DCC: variants seen among roughly 807,000 people sequenced by gnomAD.
The protein encoded by DCC is DCC netrin 1 receptor.
DCC carries 58 observed loss-of-function variants against 172.5 expected under a neutral mutation model. The observed-to-expected ratio is 0.34, with a 90% CI of 0.27 to 0.42. The LOEUF (loss-of-function observed/expected upper bound fraction) is 0.42. Among genes scored for constraint, DCC ranks in the 10% least tolerant of loss-of-function variants. The pLI, the probability that DCC is intolerant of heterozygous loss-of-function variation, is 1.00. For missense variants in DCC, 1,740 were observed against 1,791.0 expected, an observed-to-expected ratio of 0.97 and a Z score of 0.51; for synonymous variants, 709 against 644.5, an observed-to-expected ratio of 1.10 and a Z score of -1.52.
intron 12 of DCC, among the ~76,000 whole-genome samples, chr18:53,292,325 G>A (rs1428808698): frequency 6.6e-6 from 1 of 152,140 alleles, no homozygotes; most frequent in Admixed American, 6.6e-5. Context: ...TAGAGCTGTG[G>A]TAATCAGTGG....
At chr18:52,854,191 A>G (rs1432117945) in intron 2 of DCC, among the ~76,000 whole-genome samples, 1 of 152,214 alleles carries the variant, frequency 6.6e-6, no homozygotes, top group African/African-American at 2.4e-5. Context: ...CAAATATACA[A>G]GCAGTTTTGA....
chr18:52,760,518 G>T (rs1206675748), intron 2 of DCC, among the ~76,000 whole-genome samples: 2 of 152,162 alleles, frequency 1.3e-5, no homozygotes, highest in Non-Finnish European at 2.9e-5. Flanking sequence ...GATAGTCAGA[G>T]CGTGACCTCC....
At chr18:53,498,436 T>C (rs7232617) in intron 26 of DCC, among the ~76,000 whole-genome samples, 130,893 of 152,132 alleles carry the variant, frequency 0.86, 56,509 homozygotes, top group Non-Finnish European at 0.88. Context: ...CAGCTCGTTT[T>C]GCTTGCAGTT....
rs368785953 is a variant in DCC, at chr18:53,322,200, G to C, written c.2164+43G>C. The C allele has an allele frequency of 1.1e-5, 11 of 1,039,096 alleles. No individual in the cohort carries two copies. The African/African-American group carries it at 1.7e-4, about 16-fold the overall frequency. 64.4% of individuals were successfully genotyped at this position (1,039,096 alleles called of 1,614,324 possible). ...TTACTATCACTCTGATTATCTTCTT[G>C]TTATCTCAGCTTCAAAAGGTCTCTT... On this transcript the variant is annotated intron_variant, in intron 14 of 28. Coordinates refer to ENST00000442544, the MANE Select transcript of DCC (RefSeq NM_005215.4).
chr18:52,765,732 C>T (rs1281363883), intron 2 of DCC, among the ~76,000 whole-genome samples: 2 of 152,178 alleles, frequency 1.3e-5, no homozygotes, highest in Middle Eastern at 3.2e-3. Flanking sequence ...TGAGACTCCA[C>T]AGAACCTTGC....
At chr18:52,898,188 A>G (rs1024992748) in intron 2 of DCC, among the ~76,000 whole-genome samples, 1 of 152,104 alleles carries the variant, frequency 6.6e-6, no homozygotes, top group Non-Finnish European at 1.5e-5. Context: ...CGTGTTTCCA[A>G]CCCCAAGGTC....
At chr18:52,530,229 T>C (rs2032107786) in intron 1 of DCC, among the ~76,000 whole-genome samples, 1 of 152,166 alleles carries the variant, frequency 6.6e-6, no homozygotes, top group African/African-American at 2.4e-5. Context: ...GAATGGTACA[T>C]GTTTTACACA....
chr18:53,022,404 T>G (rs944969399), intron 5 of DCC, among the ~76,000 whole-genome samples: 1 of 152,082 alleles, frequency 6.6e-6, no homozygotes, highest in Non-Finnish European at 1.5e-5. Flanking sequence ...TCTTATGAGA[T>G]AGTTGGAAGC....
intron 1 of DCC, among the ~76,000 whole-genome samples, chr18:52,665,392 G>A (rs754938678): frequency 2.0e-5 from 3 of 152,068 alleles, no homozygotes; most frequent in Non-Finnish European, 4.4e-5. Flanking sequence ...TAGTTACCTC[G>A]GAGAACTCAA....
chr18:52,870,928 G>A (rs1327600741), intron 2 of DCC, among the ~76,000 whole-genome samples: 1 of 152,134 alleles, frequency 6.6e-6, no homozygotes, highest in Admixed American at 6.5e-5. Flanking sequence ...CACGGTCTCA[G>A]TGAGTTGACT....
intron 7 of DCC, among the ~76,000 whole-genome samples, chr18:53,087,320 T>A (rs1477441750): frequency 6.6e-6 from 1 of 151,600 alleles, no homozygotes; most frequent in African/African-American, 2.4e-5. Context: ...GGTATCTCAT[T>A]GTGGTTTTGA....
intron 15 of DCC, among the ~76,000 whole-genome samples, chr18:53,341,135 G>A (rs2057654935): frequency 6.6e-6 from 1 of 152,130 alleles, no homozygotes; most frequent in African/African-American, 2.4e-5. Context: ...TGGCTATCAA[G>A]CCTATGTCAA....
At chr18:53,154,740 C>T (rs4359514) in intron 7 of DCC, among the ~76,000 whole-genome samples, 6,211 of 152,082 alleles carry the variant, frequency 0.041, 198 homozygotes, top group African/African-American at 0.085. Context: ...GGATGGGCTT[C>T]GGGTTTCCAG....
chr18:52,362,337 T>C (rs1984653944), intron 1 of DCC, among the ~76,000 whole-genome samples: 1 of 152,230 alleles, frequency 6.6e-6, no homozygotes, highest in South Asian at 2.1e-4. Flanking sequence ...TCACAGGACT[T>C]ACTTGATAAA....
rs1436720264 is a variant in DCC at position 53,122,520 on chromosome 18, T to G, written c.1262-34836T>G. ...AGTTTCATTAAGATACAGATTTTTT[T>G]TCAGCTGATTCTTCTTTATTTCTGT... On this transcript the variant is annotated intron_variant, in intron 7 of 28. Coordinates refer to ENST00000442544, the MANE Select transcript of DCC (RefSeq NM_005215.4). Among the ~76,000 whole-genome samples the G allele has an allele frequency of 2.6e-5, 4 of 152,064 alleles. No individual in the cohort carries two copies. In the East Asian group the frequency reaches 7.8e-4, roughly 30 times the overall value.
At chr18:52,490,500 C>T (rs969183876) in intron 1 of DCC, among the ~76,000 whole-genome samples, 2 of 152,144 alleles carry the variant, frequency 1.3e-5, no homozygotes, top group South Asian at 2.1e-4. Context: ...GAGACTAAGA[C>T]AAATAAAATA....
chr18:53,214,838 T>C (rs970319125), intron 11 of DCC, among the ~76,000 whole-genome samples: 1 of 152,144 alleles, frequency 6.6e-6, no homozygotes, highest in African/African-American at 2.4e-5. Context: ...AGTAAATATT[T>C]ATTATAAGTA....
chr18:53,472,479 T>A (rs928841074), intron 25 of DCC, among the ~76,000 whole-genome samples: 1 of 152,218 alleles, frequency 6.6e-6, no homozygotes, highest in Non-Finnish European at 1.5e-5. Flanking sequence ...TATTAATAAC[T>A]AAGTTCTATC....
chr18:53,451,632 A>C (rs2045414298), intron 23 of DCC, among the ~76,000 whole-genome samples: 1 of 151,864 alleles, frequency 6.6e-6, no homozygotes, highest in Non-Finnish European at 1.5e-5. Flanking sequence ...TGGTTTGACA[A>C]CTGTGTACTT....
Sources: allele counts gnomAD v4.1 joint callset (sites outside exome capture counted in the v4.1 genomes callset), GRCh38; gene constraint gnomAD v4.1.1; transcripts MANE v1.5; gene names NCBI Gene and HGNC (gene_info 2026-07-23, HGNC 2026-07-21).